The following DLGAP4 variants were observed in gnomAD, a reference collection of about 807,000 sequenced individuals.
DLGAP4 encodes the protein DLG associated protein 4.
Under a neutral mutation model 86.9 loss-of-function variants are expected in DLGAP4, and 18 were observed. That is an observed-to-expected ratio of 0.21 (90% confidence interval 0.14 to 0.31). The LOEUF (loss-of-function observed/expected upper bound fraction) is 0.31. Among genes scored for constraint, DLGAP4 ranks in the 10% least tolerant of loss-of-function variants. DLGAP4 has a pLI of 1.00. For synonymous variants in DLGAP4, 548 were observed against 574.3 expected (o/e 0.95, Z 0.65); for missense variants, 1,085 against 1,362.6 (o/e 0.80, Z 3.21).
intron 7 of DLGAP4, among the ~76,000 whole-genome samples, chr20:36,461,076 C>T (rs557713837): frequency 6.6e-6 from 1 of 152,288 alleles, no homozygotes; most frequent in East Asian, 1.9e-4. Flanking sequence ...TCGGTTCCCC[C>T]CTTACAGCGA....
At chr20:36,374,032 C>CAAAAAAA (rs11472489) in intron 2 of DLGAP4, among the ~76,000 whole-genome samples, 7 of 115,342 alleles carry the variant, frequency 6.1e-5, no homozygotes, top group South Asian at 3.1e-4. Flanking sequence ...GAGACTGTCT[C>CAAAAAAA]AAAAAAAAAA....
At chr20:36,339,319 C>T (rs556673617) in intron 1 of DLGAP4, among the ~76,000 whole-genome samples, 24 of 152,266 alleles carry the variant, frequency 1.6e-4, no homozygotes, top group African/African-American at 5.5e-4. Flanking sequence ...AACTCCTGAC[C>T]TCAGGTGATC....
At chr20:36,400,083 C>T (rs1202832492) in intron 2 of DLGAP4, among the ~76,000 whole-genome samples, 1 of 152,186 alleles carries the variant, frequency 6.6e-6, no homozygotes, top group Non-Finnish European at 1.5e-5. Flanking sequence ...AACAAAAAAC[C>T]TGTTTGTAAC....
chr20:36,363,714 A>G (rs1555894407), intron 1 of DLGAP4, among the ~76,000 whole-genome samples: 1 of 152,214 alleles, frequency 6.6e-6, no homozygotes, highest in East Asian at 1.9e-4. Context: ...GAGCAGTTCC[A>G]TGATTTGCCT....
intron 7 of DLGAP4, among the ~76,000 whole-genome samples, chr20:36,458,158 A>C (rs2033928918): frequency 6.6e-6 from 1 of 151,820 alleles, no homozygotes; most frequent in Non-Finnish European, 1.5e-5. Flanking sequence ...CTCTGAGTAC[A>C]AGGGGGAACC....
At chr20:36,328,724 G>C (rs983305113) in intron 1 of DLGAP4, among the ~76,000 whole-genome samples, 19 of 151,758 alleles carry the variant, frequency 1.3e-4, no homozygotes, top group African/African-American at 4.6e-4. Flanking sequence ...CACCTCCTGG[G>C]TTCAAGTGAT....
At chr20:36,456,187 C>T (rs149549729) in intron 7 of DLGAP4, among the ~76,000 whole-genome samples, 17 of 152,268 alleles carry the variant, frequency 1.1e-4, no homozygotes, top group African/African-American at 3.9e-4. Context: ...ACAGATATTT[C>T]ACAAAGAAAC....
At chr20:36,458,735 C>T (rs899930453) in intron 7 of DLGAP4, among the ~76,000 whole-genome samples, 1 of 152,084 alleles carries the variant, frequency 6.6e-6, no homozygotes, top group African/African-American at 2.4e-5. Context: ...AAAAAGACTA[C>T]TCAGGGGGCT....
intron 2 of DLGAP4, among the ~76,000 whole-genome samples, chr20:36,405,002 C>G (rs1485009626): frequency 6.6e-6 from 1 of 152,082 alleles, no homozygotes; most frequent in Non-Finnish European, 1.5e-5. Context: ...TTGCTGCAGA[C>G]CTGGGGGAGG....
At chr20:36,382,081 G>A (rs2031413433) in intron 2 of DLGAP4, among the ~76,000 whole-genome samples, 1 of 152,220 alleles carries the variant, frequency 6.6e-6, no homozygotes, top group Non-Finnish European at 1.5e-5. Context: ...GGTACCCCAA[G>A]GTGAGAAGTG....
chr20:36,315,192 G>A (rs988489049), intron 1 of DLGAP4, among the ~76,000 whole-genome samples: 1 of 151,426 alleles, frequency 6.6e-6, no homozygotes, highest in African/African-American at 2.4e-5. Context: ...GTGTGTGTAT[G>A]CTGTGTGGTG....
At chr20:36,488,114 C>G (rs994150107) in intron 7 of DLGAP4, among the ~76,000 whole-genome samples, 4 of 151,306 alleles carry the variant, frequency 2.6e-5, no homozygotes, top group African/African-American at 9.7e-5. Flanking sequence ...GCAGGAGAAT[C>G]GCTTGAACCC....
At chr20:36,503,224 T>C (rs1319635903) in intron 10 of DLGAP4, among the ~76,000 whole-genome samples, 1 of 152,134 alleles carries the variant, frequency 6.6e-6, no homozygotes, top group Non-Finnish European at 1.5e-5. Context: ...ATGGCTTTAC[T>C]GAGATATAAT....
intron 1 of DLGAP4, among the ~76,000 whole-genome samples, chr20:36,364,232 G>A (rs1292732728): frequency 6.6e-6 from 1 of 151,994 alleles, no homozygotes; most frequent in Non-Finnish European, 1.5e-5. Context: ...GCAACATAAT[G>A]AGATCCCCAT....
chr20:36,412,779 T>C (rs1053163636), intron 2 of DLGAP4, among the ~76,000 whole-genome samples: 4 of 152,148 alleles, frequency 2.6e-5, no homozygotes, highest in African/African-American at 9.7e-5. Flanking sequence ...GAGCACCTAC[T>C]AGAGACCTTA....
At chr20:36,374,637 T>G (rs1317098850) in intron 2 of DLGAP4, among the ~76,000 whole-genome samples, 2 of 152,174 alleles carry the variant, frequency 1.3e-5, no homozygotes, top group African/African-American at 2.4e-5. Flanking sequence ...AGGCCCCACA[T>G]GGGGAACGAG....
At chr20:36,383,714 G>A (rs2031485449) in intron 2 of DLGAP4, among the ~76,000 whole-genome samples, 2 of 152,150 alleles carry the variant, frequency 1.3e-5, no homozygotes, top group Admixed American at 6.5e-5. Context: ...AGTGGCTCAC[G>A]CCTGTAATCC....
At position 36,496,099 on chromosome 20, in the gene DLGAP4, T is replaced by C. The variant is rs941859293; in HGVS notation, c.1649-606T>C. ...GTTGGTCAGGCTGGTCTCGAACTCC[T>C]GACCTCAGGTGATCTGCCCACTTCA... On this transcript the variant is annotated intron_variant, in intron 7 of 12. Coordinates refer to ENST00000339266, the MANE Select transcript of DLGAP4 (RefSeq NM_001365621.2). Among the ~76,000 whole-genome samples the C allele has an allele frequency of 9.2e-5, 14 of 152,122 alleles. No homozygotes were observed. The East Asian group carries it at 2.7e-3, about 29-fold the overall frequency.
intron 2 of DLGAP4, among the ~76,000 whole-genome samples, chr20:36,430,884 G>A (rs2033109945): frequency 6.6e-6 from 1 of 150,596 alleles, no homozygotes; most frequent in Non-Finnish European, 1.5e-5. Flanking sequence ...GAACCCGGGA[G>A]ACGGAGGTTG....
Sources: gnomAD v4.1 joint callset for allele counts (sites outside exome capture counted in the v4.1 genomes callset) on GRCh38, gnomAD v4.1.1 for gene constraint, MANE v1.5 for transcripts, NCBI Gene and HGNC (gene_info 2026-07-23, HGNC 2026-07-21) for gene names.